TLN2: variants seen among roughly 807,000 people sequenced by gnomAD.
TLN2 encodes the protein talin-2.
A neutral mutation model predicts 294.7 loss-of-function variants in TLN2; 118 were observed. That is an observed-to-expected ratio of 0.40 (90% confidence interval 0.34 to 0.47). TLN2 has a LOEUF of 0.47. TLN2 is among the 20% of genes least tolerant of loss of function. The pLI is 0.84. For missense variants in TLN2, 3,083 were observed against 3,282.2 expected, an observed-to-expected ratio of 0.94 and a Z score of 1.48; for synonymous variants, 1,431 against 1,304.5, an observed-to-expected ratio of 1.10 and a Z score of -2.09.
chr15:62,617,221 C>G (rs2048381795), intron 2 of TLN2, among the ~76,000 whole-genome samples: 1 of 151,852 alleles, frequency 6.6e-6, no homozygotes, highest in Non-Finnish European at 1.5e-5. Flanking sequence ...CAGCAGCTGA[C>G]ACATGTCCAA....
intron 36 of TLN2, chr15:62,754,124 G>A (rs2062090624): frequency 5.0e-6 from 3 of 596,786 alleles, no homozygotes; most frequent in East Asian, 7.0e-5. Context: ...TTGAAATGGG[G>A]TGCCAGAAGG....
intron 1 of TLN2, among the ~76,000 whole-genome samples, chr15:62,560,098 G>GA: frequency 6.6e-6 from 1 of 152,328 alleles, no homozygotes; most frequent in South Asian, 2.1e-4. Flanking sequence ...ATGGCTTCGG[G>GA]AAAGTGGGAA....
At chr15:62,413,169 G>A (rs1001724791) in intron 1 of TLN2, among the ~76,000 whole-genome samples, 7 of 152,216 alleles carry the variant, frequency 4.6e-5, no homozygotes, top group African/African-American at 1.4e-4. Context: ...TGTGTTGCTA[G>A]TTAGCACTGG....
Position 62,714,179 on chromosome 15 carries a change from C to A in TLN2, c.2634+2102C>A, listed in dbSNP as rs1231831683. Among the ~76,000 whole-genome samples, 3 of 146,902 alleles carry A rather than the reference C, an allele frequency of 2.0e-5. No individual in the cohort carries two copies. In the East Asian group the frequency reaches 6.1e-4, roughly 30 times the overall value. On this transcript the variant is annotated intron_variant, in intron 22 of 58. Coordinates refer to ENST00000636159, the MANE Select transcript of TLN2 (RefSeq NM_015059.3). ...CCACATAAGCAGTATTGAGCCAGGCCAATGTGCACGTTTTTTTTTTTTTTT... is the reference window on the plus strand; with the variant it reads ...CCACATAAGCAGTATTGAGCCAGGCAAATGTGCACGTTTTTTTTTTTTTTT...
At chr15:62,699,817 AC>A (rs1003014188) in intron 16 of TLN2, among the ~76,000 whole-genome samples, 1 of 152,238 alleles carries the variant, frequency 6.6e-6, no homozygotes, top group Non-Finnish European at 1.5e-5. Flanking sequence ...AGCCCAAAGC[AC>A]CAGTTCTGAC....
Position 62,771,000 on chromosome 15 carries a change from T to A in TLN2, c.5233T>A (p.Leu1745Ile). The A allele has an allele frequency of 1.2e-6, 2 of 1,612,946 alleles. No individual in the cohort carries two copies. The highest frequency in any genetic ancestry group is 1.7e-6 in the Non-Finnish European group (2 of 1,179,788). The change falls in exon 42 of 59, where the codon TTA becomes ATA. Residue 1745 changes from leucine (L) to isoleucine (I), a missense_variant. Physicochemically the swap from Leu to Ile is conservative, Grantham distance 5 (BLOSUM62 2). Coordinates refer to ENST00000636159, the MANE Select transcript of TLN2 (RefSeq NM_015059.3). ...QLASYFEPLI[L>I]AAVGVASKIL... is the part of the protein sequence containing the mutation. Reference sequence around the variant, plus strand: ...GGCAAGCTATTTTGAGCCCTTGATCTTAGCCGCAGTTGGTGTGGCCTCCAA... The same window carrying A: ...GGCAAGCTATTTTGAGCCCTTGATCATAGCCGCAGTTGGTGTGGCCTCCAA...
chr15:62,782,918 T>C (rs951245668), intron 44 of TLN2, among the ~76,000 whole-genome samples: 5 of 152,212 alleles, frequency 3.3e-5, no homozygotes, highest in African/African-American at 9.6e-5. Context: ...AGCCCCTTGA[T>C]GAGGGACAGT....
At chr15:62,405,808 A>G (rs1274913989) in intron 1 of TLN2, among the ~76,000 whole-genome samples, 3 of 152,158 alleles carry the variant, frequency 2.0e-5, no homozygotes, top group Non-Finnish European at 2.9e-5. Flanking sequence ...TTTAACAGTA[A>G]TAAAGGATGG....
At chr15:62,559,821 G>T (rs1178903483) in intron 1 of TLN2, among the ~76,000 whole-genome samples, 1 of 152,176 alleles carries the variant, frequency 6.6e-6, no homozygotes, top group African/African-American at 2.4e-5. Flanking sequence ...TTTTGGTGGG[G>T]GGGTGTGCTT....
chr15:62,541,148 T>A (rs1434214072), intron 1 of TLN2, among the ~76,000 whole-genome samples: 1 of 152,116 alleles, frequency 6.6e-6, no homozygotes, highest in Non-Finnish European at 1.5e-5. Flanking sequence ...AGTAGATGAT[T>A]TTTATACCTG....
chr15:62,448,952 G>A (rs2035963395), intron 1 of TLN2, among the ~76,000 whole-genome samples: 1 of 152,148 alleles, frequency 6.6e-6, no homozygotes. Flanking sequence ...AATTTTGCAG[G>A]GCAACTGGCT....
chr15:62,428,516 T>G (rs780356972), intron 1 of TLN2, among the ~76,000 whole-genome samples: 1 of 152,240 alleles, frequency 6.6e-6, no homozygotes, highest in Non-Finnish European at 1.5e-5. Flanking sequence ...TGAAGCCACG[T>G]GCCTTGATCG....
At chr15:62,446,189 A>G (rs1227433319) in intron 1 of TLN2, among the ~76,000 whole-genome samples, 4 of 151,768 alleles carry the variant, frequency 2.6e-5, no homozygotes, top group African/African-American at 9.7e-5. Flanking sequence ...TGGTAGAGAC[A>G]GGGTTTCACC....
intron 9 of TLN2, among the ~76,000 whole-genome samples, chr15:62,669,485 A>T (rs923984884): frequency 1.3e-5 from 2 of 152,248 alleles, no homozygotes; most frequent in Non-Finnish European, 2.9e-5. Flanking sequence ...GGCCATGCTT[A>T]AAAGGCTGGC....
chr15:62,496,997 G>A (rs893195703), intron 1 of TLN2, among the ~76,000 whole-genome samples: 12 of 152,110 alleles, frequency 7.9e-5, no homozygotes, highest in Non-Finnish European at 1.6e-4. Context: ...CCTCCCCTCA[G>A]ATGGAGGTAA....
At chr15:62,591,657 C>A (rs1296646594) in intron 2 of TLN2, among the ~76,000 whole-genome samples, 2 of 152,182 alleles carry the variant, frequency 1.3e-5, no homozygotes, top group Non-Finnish European at 2.9e-5. Context: ...CAGATGTGAT[C>A]TGACAGATAA....
intron 1 of TLN2, among the ~76,000 whole-genome samples, chr15:62,454,326 T>C (rs2036333758): frequency 6.6e-6 from 1 of 152,016 alleles, no homozygotes; most frequent in African/African-American, 2.4e-5. Context: ...ACCCCAAGAA[T>C]AGGCTTCAAC....
intron 3 of TLN2, among the ~76,000 whole-genome samples, chr15:62,631,557 C>CTTTCCTTTCCTTTCCTTTCA (rs2049864282): frequency 7.6e-6 from 1 of 131,992 alleles, no homozygotes; most frequent in African/African-American, 3.0e-5. Flanking sequence ...CATTCCTTTC[C>CTTTCCTTTCCTTTCCTTTCA]TTTCCTTTCC....
At chr15:62,570,352 TA>T (rs1226530006) in intron 1 of TLN2, among the ~76,000 whole-genome samples, 1 of 152,128 alleles carries the variant, frequency 6.6e-6, no homozygotes, top group Admixed American at 6.5e-5. Context: ...AAAAAGCAAA[TA>T]TTTGTCTTGG....
Sources: gnomAD v4.1 joint callset for allele counts (sites outside exome capture counted in the v4.1 genomes callset) on GRCh38, gnomAD v4.1.1 for gene constraint, MANE v1.5 for transcripts, NCBI Gene and HGNC (gene_info 2026-07-23, HGNC 2026-07-21) for gene names.